The following LAMA1 variants were observed in gnomAD, a reference collection of about 807,000 sequenced individuals.
LAMA1 encodes the protein laminin subunit alpha-1.
Under a neutral mutation model 348.7 loss-of-function variants are expected in LAMA1, and 219 were observed. The observed-to-expected ratio is 0.63, with a 90% CI of 0.56 to 0.70. The LOEUF (loss-of-function observed/expected upper bound fraction) is 0.70, where lower values mean the gene tolerates loss of function less well. LAMA1 is among the 30% of genes least tolerant of loss of function. The pLI, the probability that LAMA1 is intolerant of heterozygous loss-of-function variation, is 0.00. For missense variants in LAMA1, 3,744 were observed against 3,888.0 expected (o/e 0.96, Z 0.99); for synonymous variants, 1,487 against 1,491.0 (o/e 1.00, Z 0.06).
At chr18:7,044,614 T>A in intron 7 of LAMA1, 108 bp downstream of exon 7, 1 of 915,652 alleles carries the variant, frequency 1.1e-6, no homozygotes, top group Non-Finnish European at 1.8e-6. Flanking sequence ...TACTTAAATT[T>A]CTAAGAAAAC....
At chr18:7,003,416 A>G (rs571680909) in intron 29 of LAMA1, among the ~76,000 whole-genome samples, 104 of 152,036 alleles carry the variant, frequency 6.8e-4, no homozygotes, top group African/African-American at 2.4e-3. Flanking sequence ...ACAACCGGCT[A>G]ATTTTATTTT....
chr18:6,975,163 A>AC lies in LAMA1; in HGVS notation c.6490-128dup, dbSNP rs1020154069. On this transcript the variant is annotated intron_variant, in intron 45 of 62. Transcript: ENST00000389658. ...TTAAAAATAAATACATAAAAAGCAA[A>AC]CCCCCCAAATCTATTTTCTTTTGTT... 5 of 1,135,940 alleles carry AC rather than the reference A, an allele frequency of 4.4e-6. No individual in the cohort carries two copies. In the African/African-American group the frequency reaches 4.7e-5, roughly 11 times the overall value. The allele number at this position is 1,135,940 out of a possible 1,614,324, so 70.4% of individuals were successfully genotyped here.
At chr18:7,113,268 A>G (rs760919428) in intron 1 of LAMA1, among the ~76,000 whole-genome samples, 1 of 152,238 alleles carries the variant, frequency 6.6e-6, no homozygotes, top group Admixed American at 6.5e-5. Flanking sequence ...TTAAGAGCCC[A>G]TGTGCCAGGA....
rs748592058 is a variant in LAMA1 at position 6,978,257 on chromosome 18, C to A, written c.6129G>T (p.Leu2043=). ...SQELLNTSAS[L]SRVNTTLRET... ...CTCGTAATGTGGTGTTGACCCTGGA[C>A]AGGCTGGCAGATGTGTTCAGCAGCT... The change falls in exon 43 of 63, where the codon CTG becomes CTT. Residue 2043 remains leucine, a synonymous_variant. Coordinates refer to ENST00000389658, the MANE Select transcript of LAMA1 (RefSeq NM_005559.4). The A allele has an allele frequency of 1.2e-6, 2 of 1,614,102 alleles. No individual in the cohort carries two copies. Among genetic ancestry groups the A allele is most frequent in the African/African-American group, 2.7e-5 (2 of 74,932 alleles).
intron 3 of LAMA1, 27 bp downstream of exon 3, chr18:7,079,948 C>T (rs748388696): frequency 1.3e-6 from 2 of 1,520,050 alleles, no homozygotes; most frequent in Non-Finnish European, 1.8e-6. Context: ...CCTGTAGACA[C>T]TCTTCAATGG....
At chr18:6,963,981 A>G (rs187793279) in intron 51 of LAMA1, 9 of 153,984 alleles carry the variant, frequency 5.8e-5, no homozygotes, top group African/African-American at 2.2e-4. Context: ...CACACAAAGG[A>G]GAATCCAGAA....
chr18:7,074,963 G>A (rs1307232896), intron 3 of LAMA1, among the ~76,000 whole-genome samples: 1 of 35,580 alleles, frequency 2.8e-5, no homozygotes, highest in Non-Finnish European at 4.9e-5. Flanking sequence ...CTAATACATA[G>A]AGGCAAAAAA....
chr18:7,076,285 A>C lies in LAMA1; in HGVS notation c.345+3690T>G, dbSNP rs1307754302. 3.9e-5 allele frequency among the ~76,000 whole-genome samples: 6 copies of C among 152,298 alleles called. No homozygotes were observed. In the East Asian group the frequency reaches 1.2e-3, roughly 29 times the overall value. On this transcript the variant is annotated intron_variant, in intron 3 of 62. Transcript: ENST00000389658. ...AAAGGAAGTAACATTACAAGGAAGA[A>C]ACCTGACTTTTAACACCCAGAGAGA...
At chr18:7,076,835 G>A (rs1444553549) in intron 3 of LAMA1, 6 of 152,134 alleles carry the variant, frequency 3.9e-5, no homozygotes, top group Non-Finnish European at 7.3e-5. Flanking sequence ...CTGAAGGACT[G>A]GCAAAATGTT....
At chr18:6,985,505 G>A (rs764538058) in intron 38 of LAMA1, 22 bp downstream of exon 38, 29 of 1,608,118 alleles carry the variant, frequency 1.8e-5, no homozygotes, top group Non-Finnish European at 2.2e-5. Flanking sequence ...CTGTACTGTG[G>A]CTGTGCTGAG....
intron 1 of LAMA1, among the ~76,000 whole-genome samples, chr18:7,085,449 T>C (rs540631086): frequency 1.6e-4 from 23 of 145,104 alleles, no homozygotes; most frequent in East Asian, 4.1e-4. Flanking sequence ...ACAAGAGTCT[T>C]GCTCTGTCGC....
chr18:7,078,913 G>A (rs1369124976), intron 3 of LAMA1, among the ~76,000 whole-genome samples: 1 of 152,070 alleles, frequency 6.6e-6, no homozygotes, highest in Non-Finnish European at 1.5e-5. Context: ...CTTGAACCGG[G>A]GAGGCGGAAG....
chr18:6,982,375 A>G, intron 41 of LAMA1, 122 bp downstream of exon 41: 1 of 843,654 alleles, frequency 1.2e-6, no homozygotes, highest in Non-Finnish European at 2.1e-6. Context: ...ATTGGAATAT[A>G]AATGGGACAC....
At chr18:6,975,113 A>C in intron 45 of LAMA1, 77 bp from the exon 46 acceptor site, 3 of 1,490,696 alleles carry the variant, frequency 2.0e-6, no homozygotes, top group South Asian at 1.2e-5. Flanking sequence ...TTACAGAGTC[A>C]ATTCTTACGG....
chr18:6,979,622 A>G (rs11873205), intron 42 of LAMA1, among the ~76,000 whole-genome samples: 29,218 of 152,256 alleles, frequency 0.19, 3,209 homozygotes, highest in African/African-American at 0.32. Flanking sequence ...ACTTTAGGCC[A>G]GGCGCGGTGG....
chr18:7,010,997 C>G (rs552093977), intron 25 of LAMA1, among the ~76,000 whole-genome samples: 3 of 152,270 alleles, frequency 2.0e-5, no homozygotes, highest in African/African-American at 7.2e-5. Flanking sequence ...TGACACATTC[C>G]CCTAGAATGT....
intron 3 of LAMA1, 86 bp from the exon 4 acceptor site, chr18:7,051,022 G>A (rs2058060705): frequency 2.6e-6 from 4 of 1,527,462 alleles, no homozygotes; most frequent in South Asian, 2.4e-5. Context: ...CTAACTTAAA[G>A]GTAGAATCTA....
rs1335804640 is a variant in LAMA1 at position 6,971,978 on chromosome 18, A to T, written c.6778T>A (p.Ser2260Thr). 5.0e-6 allele frequency: 8 copies of T among 1,613,972 alleles called. No homozygotes were observed. The South Asian group carries it at 8.8e-5, about 18-fold the overall frequency. ...VGGLGGQIKK[S>T]PAVKVTHFKG... ...AAATGAGTAACCTTCACAGCAGGAG[A>T]TTTCTAATGCAAACAAGCAAACAAA... is the stretch of plus-strand genomic sequence containing the variant. Residue 2260 changes from serine (S) to threonine (T), a missense_variant, in exon 48 of 63, where the codon TCT becomes ACT. Physicochemically the swap from Ser to Thr is moderately conservative, Grantham distance 58. Transcript: ENST00000389658.
chr18:6,981,964 C>G (rs998445216), intron 41 of LAMA1, among the ~76,000 whole-genome samples: 1 of 152,124 alleles, frequency 6.6e-6, no homozygotes, highest in Admixed American at 6.5e-5. Flanking sequence ...TTACATATGC[C>G]AAGTCATTCT....
Sources: allele counts gnomAD v4.1 joint callset (sites outside exome capture counted in the v4.1 genomes callset), GRCh38; gene constraint gnomAD v4.1.1; transcripts MANE v1.5; gene names NCBI Gene and HGNC (gene_info 2026-07-23, HGNC 2026-07-21).